The following ELAVL2 variants were observed in gnomAD, a reference collection of about 807,000 sequenced individuals.
ELAVL2 encodes the protein ELAV like RNA binding protein 2, also known as ELAV-like protein 2.
A neutral mutation model predicts 34.6 loss-of-function variants in ELAVL2; 4 were observed. That is an observed-to-expected ratio of 0.12 (90% confidence interval 0.06 to 0.26). The LOEUF is 0.26. Ranked by LOEUF, ELAVL2 falls within the 10% of genes least tolerant of loss-of-function variation. The pLI is 1.00. For missense variants in ELAVL2, 432 were observed against 442.8 expected, an observed-to-expected ratio of 0.98 and a Z score of 0.22; for synonymous variants, 193 against 154.8, an observed-to-expected ratio of 1.25 and a Z score of -1.83.
intron 2 of ELAVL2, among the ~76,000 whole-genome samples, chr9:23,752,891 G>T (rs1310777809): frequency 6.6e-6 from 1 of 152,098 alleles, no homozygotes; most frequent in Non-Finnish European, 1.5e-5. Flanking sequence ...ATGATATATG[G>T]TGTCAGAAAT....
chr9:23,779,437 AG>A (rs1338135150), intron 1 of ELAVL2: 1 of 984,688 alleles, frequency 1.0e-6, no homozygotes, highest in Non-Finnish European at 1.2e-6. Context: ...GAGGTGGCTG[AG>A]GGAATATGAA....
At chr9:23,755,261 T>G (rs1211408142) in intron 2 of ELAVL2, among the ~76,000 whole-genome samples, 1 of 152,216 alleles carries the variant, frequency 6.6e-6, no homozygotes, top group African/African-American at 2.4e-5. Context: ...GTACTGTATT[T>G]GATTTCTTAA....
At chr9:23,739,206 A>C (rs2048570962) in intron 2 of ELAVL2, among the ~76,000 whole-genome samples, 1 of 152,160 alleles carries the variant, frequency 6.6e-6, no homozygotes, top group Non-Finnish European at 1.5e-5. Flanking sequence ...ACCTGAAAGC[A>C]GGTTCTCCAG....
intron 2 of ELAVL2, among the ~76,000 whole-genome samples, chr9:23,758,669 T>C (rs970614888): frequency 1.3e-5 from 2 of 152,136 alleles, no homozygotes; most frequent in Non-Finnish European, 2.9e-5. Context: ...TATAGCACCA[T>C]GTTCAGTGTA....
intron 3 of ELAVL2, among the ~76,000 whole-genome samples, chr9:23,710,323 G>A (rs1022448609): frequency 2.0e-5 from 3 of 152,114 alleles, no homozygotes; most frequent in Non-Finnish European, 4.4e-5. Flanking sequence ...TTATGAATTA[G>A]TACTTTATTA....
At chr9:23,829,623 G>A (rs190444345), upstream of ELAVL2, 72 of 152,250 alleles carry the variant, frequency 4.7e-4, no homozygotes, top group African/African-American at 1.6e-3. Context: ...GAGAAATACA[G>A]ATATCATATA....
intron 5 of ELAVL2, among the ~76,000 whole-genome samples, chr9:23,698,832 A>G (rs1250070327): frequency 6.6e-6 from 1 of 152,194 alleles, no homozygotes; most frequent in Non-Finnish European, 1.5e-5. Context: ...ATCAGGTTAA[A>G]CCTGAAATCT....
intron 2 of ELAVL2, among the ~76,000 whole-genome samples, chr9:23,744,576 G>A (rs1230343439): frequency 6.6e-6 from 1 of 151,946 alleles, no homozygotes; most frequent in African/African-American, 2.4e-5. Flanking sequence ...GCTTATTCTA[G>A]TTATCCTAAT....
chr9:23,787,200 T>C (rs2059795572), intron 1 of ELAVL2, among the ~76,000 whole-genome samples: 1 of 152,018 alleles, frequency 6.6e-6, no homozygotes, highest in Non-Finnish European at 1.5e-5. Flanking sequence ...CTCTAAGCCG[T>C]TTTAAAGGGC....
intron 3 of ELAVL2, among the ~76,000 whole-genome samples, chr9:23,708,174 T>C (rs1311574114): frequency 6.6e-6 from 1 of 152,178 alleles, no homozygotes; most frequent in African/African-American, 2.4e-5. Flanking sequence ...AAGAACCATT[T>C]TCCACTACCA....
At chr9:23,709,084 C>T (rs2040212506) in intron 3 of ELAVL2, among the ~76,000 whole-genome samples, 1 of 152,128 alleles carries the variant, frequency 6.6e-6, no homozygotes, top group African/African-American at 2.4e-5. Flanking sequence ...ATGCCATTTT[C>T]GTTCACTTTC....
chr9:23,747,998 C>T (rs1380721552), intron 2 of ELAVL2, among the ~76,000 whole-genome samples: 1 of 152,102 alleles, frequency 6.6e-6, no homozygotes, highest in African/African-American at 2.4e-5. Flanking sequence ...AAACCACCTG[C>T]CTCTCTAGCT....
intron 5 of ELAVL2, among the ~76,000 whole-genome samples, chr9:23,700,559 T>C (rs993169461): frequency 6.6e-6 from 1 of 152,190 alleles, no homozygotes; most frequent in African/African-American, 2.4e-5. Flanking sequence ...ACAGGCCAAA[T>C]GGAGACTGCC....
the ELAVL2 span, among the ~76,000 whole-genome samples, chr9:23,835,495 T>C: frequency 6.6e-6 from 1 of 152,150 alleles, no homozygotes; most frequent in Non-Finnish European, 1.5e-5. Flanking sequence ...TTTTCTGCTC[T>C]AGTTTTCTAT....
intron 1 of ELAVL2, among the ~76,000 whole-genome samples, chr9:23,766,261 C>T (rs959385950): frequency 6.6e-6 from 1 of 152,078 alleles, no homozygotes; most frequent in Non-Finnish European, 1.5e-5. Context: ...TCCGTTCTCC[C>T]ACTGTAACAA....
chr9:23,759,175 C>A (rs2054276635), intron 2 of ELAVL2, among the ~76,000 whole-genome samples: 1 of 151,956 alleles, frequency 6.6e-6, no homozygotes, highest in African/African-American at 2.4e-5. Context: ...CCCAAATGTC[C>A]ATCAACCAAT....
chr9:23,716,263 A>G (rs2133887371), intron 3 of ELAVL2, among the ~76,000 whole-genome samples: 1 of 152,152 alleles, frequency 6.6e-6, no homozygotes, highest in East Asian at 1.9e-4. Flanking sequence ...ATGTATACAT[A>G]TATAACAAAC....
intron 1 of ELAVL2, among the ~76,000 whole-genome samples, chr9:23,786,424 A>T (rs1010538102): frequency 1.3e-5 from 2 of 152,188 alleles, no homozygotes; most frequent in African/African-American, 2.4e-5. Flanking sequence ...ACCCTGAGCT[A>T]CTGAAATGAC....
At chr9:23,797,132 TAAC>T (rs1256843439) in intron 1 of ELAVL2, among the ~76,000 whole-genome samples, 4 of 152,138 alleles carry the variant, frequency 2.6e-5, no homozygotes, top group Non-Finnish European at 4.4e-5. Context: ...CCTGAGCAGC[TAAC>T]AACAGGATTT....
Sources: gnomAD v4.1 joint callset for allele counts (sites outside exome capture counted in the v4.1 genomes callset) on GRCh38, gnomAD v4.1.1 for gene constraint, MANE v1.5 for transcripts, NCBI Gene and HGNC (gene_info 2026-07-23, HGNC 2026-07-21) for gene names.